ZDHHC2: variants seen among roughly 807,000 people sequenced by gnomAD.
ZDHHC2 encodes palmitoyltransferase ZDHHC2.
Under a neutral mutation model 55.6 loss-of-function variants are expected in ZDHHC2, and 51 were observed. The observed-to-expected ratio is 0.92, with a 90% CI of 0.73 to 1.16. ZDHHC2 has a LOEUF of 1.16. Among genes scored for constraint, ZDHHC2 ranks in the 50% most tolerant of loss-of-function variants. ZDHHC2 has a pLI of 0.00. For missense variants in ZDHHC2, 491 were observed against 442.4 expected (o/e 1.11, Z -0.99); for synonymous variants, 199 against 152.9 (o/e 1.30, Z -2.22).
intron 1 of ZDHHC2, among the ~76,000 whole-genome samples, chr8:17,168,674 A>T (rs1389185646): frequency 6.6e-6 from 1 of 151,520 alleles, no homozygotes; most frequent in African/African-American, 2.4e-5. Context: ...ACCCTCTGGC[A>T]GCCACCATTC....
At chr8:17,209,609 C>G (rs1318298282) in intron 8 of ZDHHC2, among the ~76,000 whole-genome samples, 2 of 152,036 alleles carry the variant, frequency 1.3e-5, no homozygotes, top group Non-Finnish European at 2.9e-5. Context: ...ATGGATCCAT[C>G]CATTTATCTA....
chr8:17,205,958 C>A (rs546320346), intron 7 of ZDHHC2, among the ~76,000 whole-genome samples, 183 bp downstream of exon 7: 57 of 152,292 alleles, frequency 3.7e-4, no homozygotes, highest in Admixed American at 1.4e-3. Flanking sequence ...ACCCCCACAT[C>A]GATACTGACA....
chr8:17,172,264 G>A (rs1037984229), intron 1 of ZDHHC2, among the ~76,000 whole-genome samples: 1 of 152,176 alleles, frequency 6.6e-6, no homozygotes. Context: ...TCAGGGCCGA[G>A]AGAACTGAGC....
chr8:17,181,856 G>T (rs1222749623), intron 1 of ZDHHC2, among the ~76,000 whole-genome samples: 4 of 152,036 alleles, frequency 2.6e-5, no homozygotes, highest in Admixed American at 2.6e-4. Context: ...TATTAGAAAA[G>T]TGTTTGAGGC....
At chr8:17,168,191 C>T (rs954830731) in intron 1 of ZDHHC2, among the ~76,000 whole-genome samples, 6 of 152,102 alleles carry the variant, frequency 3.9e-5, no homozygotes, top group East Asian at 1.9e-4. Context: ...CAAGGAAGAC[C>T]GGAATTTTGG....
chr8:17,208,612 G>T (rs1585732915), intron 8 of ZDHHC2, among the ~76,000 whole-genome samples: 1 of 152,130 alleles, frequency 6.6e-6, no homozygotes, highest in African/African-American at 2.4e-5. Context: ...ATTATAATAT[G>T]CAATGAGGAT....
At chr8:17,203,417 A>T (rs1806915111) in intron 6 of ZDHHC2, among the ~76,000 whole-genome samples, 1 of 151,942 alleles carries the variant, frequency 6.6e-6, no homozygotes, top group Non-Finnish European at 1.5e-5. Flanking sequence ...TTTTTAGTAG[A>T]GACGGGTTTT....
chr8:17,195,590 G>T lies in ZDHHC2; in HGVS notation c.339G>T (p.Lys113Asn). The T allele has an allele frequency of 6.2e-7, 1 of 1,613,926 alleles. No homozygotes were observed. Among genetic ancestry groups the T allele is most frequent in the South Asian group, 1.1e-5 (1 of 91,078 alleles). Residue 113 changes from lysine to asparagine, a missense_variant, in exon 4 of 13, where the codon AAG (lysine) becomes AAT (asparagine). Transcript: ENST00000262096. Reference protein sequence around the residue: ...AHQEVLRRAAKDLPIYTRTMS... With the variant: ...AHQEVLRRAANDLPIYTRTMS... ...AGGAAGTTCTTAGGCGAGCAGCCAAGGATCTTCCCATCTATACCAGGACCA... is the reference window on the plus strand; with the variant it reads ...AGGAAGTTCTTAGGCGAGCAGCCAATGATCTTCCCATCTATACCAGGACCA...
chr8:17,188,822 T>C (rs886254109), intron 3 of ZDHHC2, among the ~76,000 whole-genome samples: 6 of 152,346 alleles, frequency 3.9e-5, no homozygotes, highest in Admixed American at 3.9e-4. Flanking sequence ...TGATTTCTCA[T>C]TTAATTCCCC....
rs1808054535 is a variant in ZDHHC2, at chr8:17,224,676, C to T, written c.*4455C>T. The T allele has an allele frequency of 6.6e-6, 1 of 151,488 alleles. No homozygotes were observed. The highest frequency in any genetic ancestry group is 1.5e-5 in the Non-Finnish European group (1 of 67,720). 9.4% of individuals were successfully genotyped at this position (151,488 alleles called of 1,614,324 possible). Reference sequence around the variant, plus strand: ...AGATACTACAGAATGCGTCAGTTCTCCTGTTGTATTTTTCTCAGTTATGAG... The same window carrying T: ...AGATACTACAGAATGCGTCAGTTCTTCTGTTGTATTTTTCTCAGTTATGAG... On this transcript the variant is annotated 3_prime_UTR_variant, in exon 13 of 13. Transcript: ENST00000262096.
At chr8:17,172,466 C>T (rs7827043) in intron 1 of ZDHHC2, among the ~76,000 whole-genome samples, 60,088 of 152,004 alleles carry the variant, frequency 0.4, 14,756 homozygotes, top group East Asian at 0.73. Context: ...TTAGTGGGTA[C>T]AAAGTTTCAG....
intron 1 of ZDHHC2, among the ~76,000 whole-genome samples, chr8:17,159,599 T>C (rs1294819867): frequency 1.3e-5 from 2 of 152,210 alleles, no homozygotes; most frequent in Non-Finnish European, 2.9e-5. Flanking sequence ...CTCTAGGCAC[T>C]TTTTCAGTTA....
rs776863902 is a variant in ZDHHC2 at position 17,156,881 on chromosome 8, C to CCAGCG, written c.130+38_130+42dup. ...GAGTGCGCCCCCCGCCGCGGCGCCC[C>CCAGCG]CAGCGCAGCGCAGCCCACCCCGACT... is the stretch of plus-strand genomic sequence containing the variant. On this transcript the variant is annotated intron_variant, in intron 1 of 12. Coordinates refer to ENST00000262096, the MANE Select transcript of ZDHHC2 (RefSeq NM_016353.5). The CCAGCG allele has an allele frequency of 6.5e-5, 96 of 1,480,512 alleles. 1 individual carries two copies. The highest frequency in any genetic ancestry group is 4.7e-4 in the African/African-American group (32 of 68,206). The allele number at this position is 1,480,512 out of a possible 1,614,324, so 91.7% of individuals were successfully genotyped here.
At chr8:17,207,846 ATTAAAT>A (rs1807182454) in intron 7 of ZDHHC2, 108 bp from the exon 8 acceptor site, 1 of 865,220 alleles carries the variant, frequency 1.2e-6, no homozygotes, top group Non-Finnish European at 1.5e-6. Flanking sequence ...ATTTTTTTAT[ATTAAAT>A]TTAAGAAAAA....
chr8:17,192,594 GTTTCC>G, intron 3 of ZDHHC2, among the ~76,000 whole-genome samples: 1 of 152,280 alleles, frequency 6.6e-6, no homozygotes, highest in South Asian at 2.1e-4. Flanking sequence ...TTGGTTGATT[GTTTCC>G]TTTGCTGTGC....
intron 3 of ZDHHC2, among the ~76,000 whole-genome samples, chr8:17,194,304 TATAC>T (rs1262667468): frequency 6.7e-6 from 1 of 149,054 alleles, no homozygotes; most frequent in Non-Finnish European, 1.5e-5. Flanking sequence ...TAAAATATTT[TATAC>T]ATATTTTTGT....
intron 5 of ZDHHC2, among the ~76,000 whole-genome samples, chr8:17,197,863 C>T (rs1806402089): frequency 6.6e-6 from 1 of 152,178 alleles, no homozygotes. Flanking sequence ...ATTCACGGTG[C>T]CCTGAAGTAT....
chr8:17,197,867 G>A lies in ZDHHC2; in HGVS notation c.443+216G>A, dbSNP rs1806402440. ...TTTGCCCCCAGATTCACGGTGCCCTGAAGTATGTGATTTTTAGCAGTTCTG... is the reference window on the plus strand; with the variant it reads ...TTTGCCCCCAGATTCACGGTGCCCTAAAGTATGTGATTTTTAGCAGTTCTG... On this transcript the variant is annotated intron_variant, in intron 5 of 12. Transcript: ENST00000262096. Among the ~76,000 whole-genome samples, 4 of 152,208 alleles carry A rather than the reference G, an allele frequency of 2.6e-5. No homozygotes were observed. In the South Asian group the frequency reaches 8.3e-4, roughly 32 times the overall value.
At chr8:17,164,304 T>G (rs1804498067) in intron 1 of ZDHHC2, among the ~76,000 whole-genome samples, 1 of 152,246 alleles carries the variant, frequency 6.6e-6, no homozygotes, top group Non-Finnish European at 1.5e-5. Context: ...GCTGCATTTC[T>G]CGTCTTAGCA....
Sources: allele counts gnomAD v4.1 joint callset (sites outside exome capture counted in the v4.1 genomes callset), GRCh38; gene constraint gnomAD v4.1.1; transcripts MANE v1.5; gene names NCBI Gene and HGNC (gene_info 2026-07-23, HGNC 2026-07-21).